Variants in DRG1 observed in about 807,000 individuals in gnomAD.
DRG1 encodes the protein developmentally-regulated GTP-binding protein 1.
In DRG1, 19 loss-of-function variants were observed where a neutral mutation model predicts 38.8. That is an observed-to-expected ratio of 0.49 (90% CI 0.34 to 0.72). DRG1 has a LOEUF of 0.72. Among genes scored for constraint, DRG1 ranks in the 30% least tolerant of loss-of-function variants. The probability of loss-of-function intolerance (pLI) is 0.01; values close to 1 mark genes in which losing one functional copy is unlikely to be tolerated. For synonymous variants in DRG1, 167 were observed against 157.5 expected (o/e 1.06, Z -0.45); for missense variants, 299 against 444.8 (o/e 0.67, Z 2.95).
At chr22:31,411,899 T>A (rs762563775) in intron 4 of DRG1, among the ~76,000 whole-genome samples, 5 of 152,120 alleles carry the variant, frequency 3.3e-5, no homozygotes, top group African/African-American at 4.8e-5. Flanking sequence ...TGAAGAACGC[T>A]ATCTTCTAGC....
At chr22:31,402,505 C>CTTTTTTTTTTTTTTTTTT in intron 2 of DRG1, among the ~76,000 whole-genome samples, 1 of 104,736 alleles carries the variant, frequency 9.5e-6, no homozygotes, top group Non-Finnish European at 1.8e-5. Flanking sequence ...TGGGCTGTAC[C>CTTTTTTTTTTTTTTTTTT]TTTTTTTTTT....
intron 8 of DRG1, 107 bp downstream of exon 8, chr22:31,427,289 A>T: frequency 7.1e-7 from 1 of 1,404,168 alleles, no homozygotes. Context: ...GAAGGAGGCT[A>T]CTGAAATGTT....
intron 8 of DRG1, among the ~76,000 whole-genome samples, chr22:31,429,472 T>G (rs1457321049): frequency 6.6e-6 from 1 of 152,108 alleles, no homozygotes; most frequent in Admixed American, 6.6e-5. Flanking sequence ...TTTATTGGAC[T>G]TCTGTGTGTT....
At position 31,434,253 on chromosome 22, in the gene DRG1, C is replaced by T; in HGVS notation, c.*282C>T. 3.1e-6 allele frequency: 1 copy of T among 319,820 alleles called. No homozygotes were observed. Among genetic ancestry groups the T allele is most frequent in the East Asian group, 7.0e-5 (1 of 14,230 alleles). The allele number at this position is 319,820 out of a possible 1,614,324, so 19.8% of individuals were successfully genotyped here. A position where few individuals can be genotyped will look rare whatever the true frequency, so the allele number is the denominator to read the frequency against. On this transcript the variant is annotated 3_prime_UTR_variant, in exon 9 of 9. Transcript: ENST00000331457. Reference sequence around the variant, plus strand: ...ATGAGGAAGGGTATATACGGTGAAGCAGCTACAGAAGGGATCCTTGGGAAC... The same window carrying T: ...ATGAGGAAGGGTATATACGGTGAAGTAGCTACAGAAGGGATCCTTGGGAAC...
rs1445001086 is a variant in DRG1 at position 31,409,965 on chromosome 22, A to T, written c.343-1047A>T. Among the ~76,000 whole-genome samples the T allele has an allele frequency of 5.3e-5, 8 of 152,168 alleles. No individual in the cohort carries two copies. The East Asian group carries it at 1.5e-3, about 29-fold the overall frequency. On this transcript the variant is annotated intron_variant, in intron 3 of 8. Coordinates refer to ENST00000331457, the MANE Select transcript of DRG1 (RefSeq NM_004147.4). ...AGCCGAGATCACGCCACTGCATTCCAGCCTGGGTGGCAGAGTGAGACTCCG... is the reference window on the plus strand; with the variant it reads ...AGCCGAGATCACGCCACTGCATTCCTGCCTGGGTGGCAGAGTGAGACTCCG...
intron 2 of DRG1, among the ~76,000 whole-genome samples, chr22:31,401,450 A>C (rs2049960364): frequency 6.6e-6 from 1 of 151,764 alleles, no homozygotes. Flanking sequence ...ATGGTGGCGC[A>C]TGCCTGTAAT....
chr22:31,402,464 C>T (rs916070550), intron 2 of DRG1, among the ~76,000 whole-genome samples: 2 of 146,788 alleles, frequency 1.4e-5, no homozygotes, highest in Non-Finnish European at 3.0e-5. Flanking sequence ...GCTAACAACT[C>T]TATTTTTGGA....
At chr22:31,430,578 T>C (rs1465360348) in intron 8 of DRG1, among the ~76,000 whole-genome samples, 1 of 152,040 alleles carries the variant, frequency 6.6e-6, no homozygotes, top group African/African-American at 2.4e-5. Context: ...TTTTTATATT[T>C]TTAGTAGAGA....
intron 4 of DRG1, among the ~76,000 whole-genome samples, chr22:31,413,117 T>C (rs1410716047): frequency 6.6e-6 from 1 of 152,130 alleles, no homozygotes; most frequent in Non-Finnish European, 1.5e-5. Context: ...TTTATAAAGA[T>C]AGAGTCTCAC....
chr22:31,399,782 T>A, intron 1 of DRG1, 57 bp downstream of exon 1: 1 of 1,612,882 alleles, frequency 6.2e-7, no homozygotes, highest in Non-Finnish European at 8.5e-7. Context: ...TTTGGTGGCG[T>A]CGCTCCTTCC....
chr22:31,403,389 C>T (rs1022023431), intron 3 of DRG1, among the ~76,000 whole-genome samples, 185 bp downstream of exon 3: 4 of 152,002 alleles, frequency 2.6e-5, no homozygotes, highest in Non-Finnish European at 5.9e-5. Flanking sequence ...GAGAAAGGGC[C>T]GGGCGCAGTG....
chr22:31,404,478 G>A (rs2049979162), intron 3 of DRG1, among the ~76,000 whole-genome samples: 1 of 152,010 alleles, frequency 6.6e-6, no homozygotes, highest in Non-Finnish European at 1.5e-5. Context: ...CTGACCTCAT[G>A]ATCCTCCTGC....
intron 3 of DRG1, among the ~76,000 whole-genome samples, chr22:31,410,434 G>A (rs550204468): frequency 9.2e-5 from 14 of 151,938 alleles, no homozygotes; most frequent in South Asian, 6.2e-4. Context: ...CAGCTTGGGC[G>A]GCAGAGTGAG....
intron 6 of DRG1, among the ~76,000 whole-genome samples, chr22:31,425,201 T>TGCAGGCAG (rs2050103124): frequency 3.3e-5 from 5 of 152,300 alleles, no homozygotes; most frequent in Admixed American, 6.5e-5. Context: ...TTCAGTTTTT[T>TGCAGGCAG]TCTTTTACAG....
chr22:31,405,699 T>TTTTATTTG (rs938427081), intron 3 of DRG1, among the ~76,000 whole-genome samples: 5 of 151,980 alleles, frequency 3.3e-5, no homozygotes, highest in African/African-American at 1.2e-4. Context: ...TTATTTATTT[T>TTTTATTTG]TTTATTTGAG....
intron 5 of DRG1, among the ~76,000 whole-genome samples, chr22:31,421,111 G>T (rs2145867309): frequency 6.6e-6 from 1 of 151,998 alleles, no homozygotes; most frequent in African/African-American, 2.4e-5. Flanking sequence ...GTAGAGACGG[G>T]GTTTCACCAT....
chr22:31,419,369 T>TA (rs1434645880), intron 4 of DRG1, among the ~76,000 whole-genome samples: 2 of 151,706 alleles, frequency 1.3e-5, no homozygotes, highest in African/African-American at 2.4e-5. Context: ...TTTTTTTTTT[T>TA]TATACAGATT....
At chr22:31,427,590 C>T (rs1193614708) in intron 8 of DRG1, among the ~76,000 whole-genome samples, 1 of 152,056 alleles carries the variant, frequency 6.6e-6, no homozygotes, top group Non-Finnish European at 1.5e-5. Flanking sequence ...TTTATTTTTG[C>T]GACGGTCTTG....
At chr22:31,425,543 C>G (rs186065637) in intron 6 of DRG1, among the ~76,000 whole-genome samples, 2 of 151,802 alleles carry the variant, frequency 1.3e-5, no homozygotes, top group East Asian at 3.9e-4. Flanking sequence ...CGGGCTCAAT[C>G]CATCCTCCCA....
Sources: gnomAD v4.1 joint callset for allele counts (sites outside exome capture counted in the v4.1 genomes callset) on GRCh38, gnomAD v4.1.1 for gene constraint, MANE v1.5 for transcripts, NCBI Gene and HGNC (gene_info 2026-07-23, HGNC 2026-07-21) for gene names.